The following NBAS variants were observed in gnomAD, a reference collection of about 807,000 sequenced individuals.
NBAS encodes the protein NAG/BC035112 fusion.
In NBAS, 219 loss-of-function variants were observed where a neutral mutation model predicts 302.5. The ratio of observed to expected loss-of-function variants is 0.72; its 90% CI spans 0.65 to 0.81. NBAS has a LOEUF of 0.81. Among genes scored for constraint, NBAS ranks in the 30% least tolerant of loss-of-function variants. The pLI is 0.00. For missense variants in NBAS, 2,932 were observed against 2,841.6 expected (o/e 1.03, Z -0.72); for synonymous variants, 1,118 against 1,021.6 (o/e 1.09, Z -1.80).
At chr2:14,783,263 C>A in the NBAS span, among the ~76,000 whole-genome samples, 2 of 152,048 alleles carry the variant, frequency 1.3e-5, no homozygotes. Flanking sequence ...CCTAACTATT[C>A]AGCCTAGTCA....
intron 16 of NBAS, among the ~76,000 whole-genome samples, chr2:15,468,804 A>G (rs1390144369): frequency 6.6e-6 from 1 of 152,240 alleles, no homozygotes; most frequent in Non-Finnish European, 1.5e-5. Flanking sequence ...TTTTGGAAAT[A>G]TAAAATGTTT....
chr2:14,959,738 T>G, the NBAS span, among the ~76,000 whole-genome samples: 1 of 152,208 alleles, frequency 6.6e-6, no homozygotes, highest in Non-Finnish European at 1.5e-5. Context: ...TTTTCCCATA[T>G]GACATGTTCC....
the NBAS span, among the ~76,000 whole-genome samples, chr2:15,043,514 C>T: frequency 6.6e-6 from 1 of 152,152 alleles, no homozygotes; most frequent in African/African-American, 2.4e-5. Context: ...ACAGGACTGT[C>T]CTGGCTCTGG....
intron 48 of NBAS, among the ~76,000 whole-genome samples, chr2:15,206,803 T>C (rs1244351908): frequency 1.3e-5 from 2 of 152,322 alleles, no homozygotes; most frequent in South Asian, 4.1e-4. Context: ...AAGACACAAG[T>C]TGAGTTTTGG....
Position 15,359,244 on chromosome 2 carries a change from G to A in NBAS, c.3818-2828C>T, listed in dbSNP as rs376321615. Among the ~76,000 whole-genome samples the A allele has an allele frequency of 2.8e-3, 420 of 150,072 alleles. 1 individual carries two copies. The highest frequency in any genetic ancestry group is 1.0e-2 in the African/African-American group (407 of 40,828). On this transcript the variant is annotated intron_variant, in intron 32 of 51. Transcript: ENST00000281513. ...TGCATGCATCTGTAAAAAAAATCTT[G>A]TTTTTCTCCTGTCTATTGTCAATTA... is the stretch of plus-strand genomic sequence containing the variant.
At chr2:15,208,758 T>C (rs1385559392) in intron 48 of NBAS, among the ~76,000 whole-genome samples, 1 of 152,012 alleles carries the variant, frequency 6.6e-6, no homozygotes, top group Admixed American at 6.6e-5. Flanking sequence ...CAAATGATAA[T>C]GGAAACATAA....
chr2:15,327,744 T>C lies in NBAS; in HGVS notation c.4582+6A>G, dbSNP rs767128239. 2 of 1,613,562 alleles carry C rather than the reference T, an allele frequency of 1.2e-6. No individual in the cohort carries two copies. Among genetic ancestry groups the C allele is most frequent in the Admixed American group, 3.3e-5 (2 of 60,014 alleles). On this transcript the variant is annotated splice_donor_region_variant and intron_variant, in intron 38 of 51. Coordinates refer to ENST00000281513, the MANE Select transcript of NBAS (RefSeq NM_015909.4). Reference sequence around the variant, plus strand: ...ACTGTCAAGGGACTAGAACCTTCTCTCTTACCTTCAGTTGTTGGAAATACT... The same window carrying C: ...ACTGTCAAGGGACTAGAACCTTCTCCCTTACCTTCAGTTGTTGGAAATACT...
intron 44 of NBAS, among the ~76,000 whole-genome samples, chr2:15,268,010 A>G (rs1166788575): frequency 6.6e-6 from 1 of 152,250 alleles, no homozygotes; most frequent in Non-Finnish European, 1.5e-5. Context: ...ATTATAGTGC[A>G]TAAAATGTAT....
chr2:15,170,286 T>C (rs1160993221), intron 51 of NBAS, among the ~76,000 whole-genome samples: 1 of 152,150 alleles, frequency 6.6e-6, no homozygotes, highest in Non-Finnish European at 1.5e-5. Flanking sequence ...TCTGGCTGGA[T>C]ATACCCAGCT....
the NBAS span, among the ~76,000 whole-genome samples, chr2:14,890,179 T>G: frequency 0.53 from 81,092 of 151,972 alleles, 23,996 homozygotes; most frequent in African/African-American, 0.8. Flanking sequence ...TCCACTGGGG[T>G]GACTATGAAA....
the NBAS span, among the ~76,000 whole-genome samples, chr2:15,034,002 A>AGAG: frequency 2.2e-5 from 1 of 44,840 alleles, no homozygotes; most frequent in East Asian, 2.8e-3. Flanking sequence ...AAGAAGAAGA[A>AGAG]GAAGAAGAAG....
chr2:15,203,455 T>C (rs185164317), intron 48 of NBAS, among the ~76,000 whole-genome samples: 1 of 152,332 alleles, frequency 6.6e-6, no homozygotes, highest in Non-Finnish European at 1.5e-5. Context: ...GAGATTTCTG[T>C]TGTACTTCTA....
chr2:15,386,811 CT>C (rs1358005381), intron 28 of NBAS, among the ~76,000 whole-genome samples: 1 of 152,048 alleles, frequency 6.6e-6, no homozygotes, highest in East Asian at 1.9e-4. Context: ...TTTTTCTTTT[CT>C]TTTTTTAAAT....
In NBAS at chr2:15,215,029, A is replaced by T. The variant is rs531863616; in HGVS notation, c.6432+3744T>A. On this transcript the variant is annotated intron_variant, in intron 48 of 51. Transcript: ENST00000281513. ...ATGGGATTTTTTTCTAAAGGAATTA[A>T]CCATATTTTGCCCCATATTTTTCAT... Among the ~76,000 whole-genome samples, 126 of 152,304 alleles carry T rather than the reference A, an allele frequency of 8.3e-4. 1 individual carries two copies. The Middle Eastern group carries it at 0.014, about 16-fold the overall frequency.
intron 50 of NBAS, among the ~76,000 whole-genome samples, chr2:15,185,506 G>A (rs1665032997): frequency 4.6e-5 from 7 of 152,136 alleles, no homozygotes; most frequent in Admixed American, 4.6e-4. Flanking sequence ...GAAGTGCACT[G>A]AGTCCCCATA....
At chr2:15,289,960 GCCCTCCAGC>G (rs1670227197) in intron 41 of NBAS, among the ~76,000 whole-genome samples, 1 of 151,846 alleles carries the variant, frequency 6.6e-6, no homozygotes, top group Non-Finnish European at 1.5e-5. Flanking sequence ...TCGTGCCACA[GCCCTCCAGC>G]CTGGCGCCAG....
At chr2:15,255,547 T>C (rs1668553549) in intron 44 of NBAS, among the ~76,000 whole-genome samples, 1 of 152,114 alleles carries the variant, frequency 6.6e-6, no homozygotes, top group African/African-American at 2.4e-5. Flanking sequence ...GCAGTGTAGA[T>C]GCTTTTTAGT....
rs1673628481 is a variant in NBAS at position 15,356,465 on chromosome 2, T to A, written c.3818-49A>T. 3.2e-6 allele frequency: 4 copies of A among 1,241,634 alleles called. No individual in the cohort carries two copies. In the East Asian group the frequency reaches 9.3e-5, roughly 29 times the overall value. The allele number at this position is 1,241,634 out of a possible 1,614,324, so 76.9% of individuals were successfully genotyped here. A position where few individuals can be genotyped will look rare whatever the true frequency, so the allele number is the denominator to read the frequency against. ...AATGATTATGACAAGCAACGTCAATTGATAGAAGAGCTTGTTAACACTGTC... is the reference window on the plus strand; with the variant it reads ...AATGATTATGACAAGCAACGTCAATAGATAGAAGAGCTTGTTAACACTGTC... On this transcript the variant is annotated intron_variant, in intron 32 of 51. Coordinates refer to ENST00000281513, the MANE Select transcript of NBAS (RefSeq NM_015909.4).
At chr2:14,858,151 CA>C in the NBAS span, among the ~76,000 whole-genome samples, 5 of 152,060 alleles carry the variant, frequency 3.3e-5, no homozygotes, top group East Asian at 7.7e-4. Context: ...AGCTTTTATC[CA>C]AAAGTCAGGC....
Sources: gnomAD v4.1 joint callset for allele counts (sites outside exome capture counted in the v4.1 genomes callset) on GRCh38, gnomAD v4.1.1 for gene constraint, MANE v1.5 for transcripts, NCBI Gene and HGNC (gene_info 2026-07-23, HGNC 2026-07-21) for gene names.